Variants in MAMLD1 observed in about 807,000 individuals in gnomAD.
The protein encoded by MAMLD1 is mastermind like domain containing 1, also known as mastermind-like domain-containing protein 1.
MAMLD1 carries 14 observed loss-of-function variants against 45.0 expected under a neutral mutation model. That is an observed-to-expected ratio of 0.31 (90% confidence interval 0.21 to 0.49). The LOEUF is 0.49. MAMLD1 is among the 20% of genes least tolerant of loss of function. The pLI, the probability that MAMLD1 is intolerant of heterozygous loss-of-function variation, is 0.99. For missense variants in MAMLD1, 543 were observed against 603.6 expected (o/e 0.90, Z 1.05); for synonymous variants, 254 against 247.8 (o/e 1.02, Z -0.24).
At chrX:150,395,720 A>G (rs1175037312) in intron 1 of MAMLD1, among the ~76,000 whole-genome samples, 3 of 110,924 alleles carry the variant, frequency 2.7e-5, no homozygotes, top group Non-Finnish European at 5.7e-5. Flanking sequence ...TGGTGAGCCT[A>G]GGGTTGTTCA....
chrX:150,504,606 G>A (rs1464306168), intron 6 of MAMLD1: 2 of 539,927 alleles, frequency 3.7e-6, no homozygotes, highest in Non-Finnish European at 4.5e-6. Flanking sequence ...CAAAACGGAC[G>A]TCGTCCCCTC....
intron 1 of MAMLD1, among the ~76,000 whole-genome samples, chrX:150,374,621 A>T (rs1330588233): frequency 8.9e-6 from 1 of 112,277 alleles, no homozygotes; most frequent in Non-Finnish European, 1.9e-5. Flanking sequence ...GCAAACTGGC[A>T]TTAAAGAGAC....
intron 1 of MAMLD1, among the ~76,000 whole-genome samples, chrX:150,440,888 A>C (rs1188984196): frequency 9.6e-6 from 1 of 104,267 alleles, no homozygotes; most frequent in African/African-American, 3.4e-5. Context: ...TTAATATTTA[A>C]TATAATATTT....
In MAMLD1 at chrX:150,470,569, T is replaced by C; in HGVS notation, c.996T>C (p.Pro332=). The change falls in exon 4 of 8, where the codon CCT becomes CCC. Residue 332 remains proline (P), a synonymous_variant. Coordinates refer to ENST00000370401, the MANE Select transcript of MAMLD1 (RefSeq NM_005491.5). The part of the protein sequence containing the change: ...QGPTPSWSGL[P]PPGLSPPYRP... ...CCACCCCCAGTTGGTCTGGTCTGCC[T>C]CCTCCAGGACTCTCTCCACCTTACC... The C allele has an allele frequency of 8.3e-7, 1 of 1,211,432 alleles. No individual in the cohort carries two copies. Among genetic ancestry groups the C allele is most frequent in the African/African-American group, 1.7e-5 (1 of 57,651 alleles).
At chrX:150,407,144 A>G (rs2034018621) in intron 1 of MAMLD1, among the ~76,000 whole-genome samples, 1 of 112,139 alleles carries the variant, frequency 8.9e-6, no homozygotes, top group South Asian at 3.7e-4. Context: ...TAATAAATAA[A>G]TGTTTTTAAA....
intron 2 of MAMLD1, among the ~76,000 whole-genome samples, chrX:150,455,327 T>A (rs111245219): frequency 0.021 from 2,311 of 112,104 alleles, 64 homozygotes; most frequent in African/African-American, 0.071. Context: ...GCATTTTATT[T>A]TGATTTGGTT....
At chrX:150,410,900 G>A (rs1557402802) in intron 1 of MAMLD1, among the ~76,000 whole-genome samples, 2 of 112,225 alleles carry the variant, frequency 1.8e-5, no homozygotes, top group African/African-American at 6.5e-5. Flanking sequence ...ACCCATGGCC[G>A]GTGGGCTGTG....
At chrX:150,427,207 A>G (rs1427839736) in intron 1 of MAMLD1, among the ~76,000 whole-genome samples, 1 of 112,305 alleles carries the variant, frequency 8.9e-6, no homozygotes, top group Non-Finnish European at 1.9e-5. Context: ...CAATGGCCCT[A>G]TTTCCAAATA....
At chrX:150,427,532 C>A (rs922895116) in intron 1 of MAMLD1, among the ~76,000 whole-genome samples, 3 of 111,679 alleles carry the variant, frequency 2.7e-5, no homozygotes, top group Admixed American at 9.5e-5. Flanking sequence ...ATGGCCTCAC[C>A]TCAGAACTTT....
intron 1 of MAMLD1, among the ~76,000 whole-genome samples, chrX:150,440,971 AAATATAAAAT>A (rs1375465144): frequency 9.5e-6 from 1 of 105,102 alleles, no homozygotes; most frequent in African/African-American, 3.4e-5. Flanking sequence ...AAAAATTATT[AAATATAAAAT>A]AATATAATAT....
chrX:150,431,623 T>C (rs2034950441), intron 1 of MAMLD1, among the ~76,000 whole-genome samples: 1 of 110,789 alleles, frequency 9.0e-6, no homozygotes, highest in Non-Finnish European at 1.9e-5. Flanking sequence ...TATGTCCATA[T>C]GTACTCGATG....
intron 1 of MAMLD1, among the ~76,000 whole-genome samples, chrX:150,399,221 G>A (rs782718010): frequency 1.8e-5 from 2 of 111,751 alleles, no homozygotes; most frequent in Non-Finnish European, 3.8e-5. Context: ...ATAAACCGGG[G>A]CAGTGGAAGG....
intron 1 of MAMLD1, among the ~76,000 whole-genome samples, chrX:150,404,020 AGGG>A: frequency 2.1e-5 from 2 of 93,964 alleles, no homozygotes; most frequent in African/African-American, 9.1e-5. Flanking sequence ...AGAAAGAAGA[AGGG>A]AGGGAGGAAG....
At chrX:150,444,271 T>C (rs782250981) in intron 1 of MAMLD1, among the ~76,000 whole-genome samples, 15 of 112,209 alleles carry the variant, frequency 1.3e-4, no homozygotes, top group South Asian at 3.7e-4. Context: ...TTTTCTTCTA[T>C]GGTGTTTGGC....
chrX:150,376,058 T>C (rs1272991083), intron 1 of MAMLD1, among the ~76,000 whole-genome samples: 4 of 111,419 alleles, frequency 3.6e-5, no homozygotes, highest in Admixed American at 9.5e-5. Flanking sequence ...GCCATGGCAC[T>C]TGGGGCAAGC....
At chrX:150,374,370 G>A (rs1557401413) in intron 1 of MAMLD1, among the ~76,000 whole-genome samples, 1 of 112,188 alleles carries the variant, frequency 8.9e-6, no homozygotes, top group African/African-American at 3.2e-5. Context: ...GGAAATATCA[G>A]AATGTCAGTT....
intron 1 of MAMLD1, among the ~76,000 whole-genome samples, chrX:150,386,858 C>G (rs1473143812): frequency 9.0e-6 from 1 of 110,706 alleles, no homozygotes; most frequent in Non-Finnish European, 1.9e-5. Context: ...AAATCCTGTT[C>G]AGGCAGATAT....
intron 6 of MAMLD1, among the ~76,000 whole-genome samples, chrX:150,508,264 G>C (rs1216749897): frequency 8.9e-6 from 1 of 112,575 alleles, no homozygotes; most frequent in Admixed American, 9.3e-5. Flanking sequence ...ATGCTCCTCA[G>C]TGTCCACATG....
Position 150,512,913 on chromosome X carries a change from A to C in MAMLD1, c.*954A>C, listed in dbSNP as rs2037945608. The stretch of plus-strand genomic sequence containing the variant: ...TCGTCACCTGACTGCAATGAGGTAG[A>C]TTTCATTGAAGCTCTCTTGAAAGGC... On this transcript the variant is annotated 3_prime_UTR_variant, in exon 8 of 8. Transcript: ENST00000370401. The C allele has an allele frequency of 1.7e-6, 2 of 1,154,111 alleles. No homozygotes were observed. Among genetic ancestry groups the C allele is most frequent in the African/African-American group, 1.8e-5 (1 of 55,709 alleles).
Sources: gnomAD v4.1 joint callset for allele counts (sites outside exome capture counted in the v4.1 genomes callset) on GRCh38, gnomAD v4.1.1 for gene constraint, MANE v1.5 for transcripts, NCBI Gene and HGNC (gene_info 2026-07-23, HGNC 2026-07-21) for gene names.